BPIFB6: variants seen among roughly 807,000 people sequenced by gnomAD.
BPIFB6 encodes the protein BPI fold-containing family B member 6.
BPIFB6 carries 47 observed loss-of-function variants against 54.7 expected under a neutral mutation model. That is an observed-to-expected ratio of 0.86 (90% CI 0.68 to 1.10). The LOEUF (loss-of-function observed/expected upper bound fraction) is 1.10. Among genes scored for constraint, BPIFB6 ranks in the 50% least tolerant of loss-of-function variants. BPIFB6 has a pLI of 0.00. For synonymous variants in BPIFB6, 255 were observed against 225.9 expected, an observed-to-expected ratio of 1.13 and a Z score of -1.16; for missense variants, 603 against 564.1, an observed-to-expected ratio of 1.07 and a Z score of -0.70.
intron 5 of BPIFB6, 88 bp from the exon 6 acceptor site, chr20:33,035,524 T>G: frequency 7.2e-7 from 1 of 1,386,294 alleles, no homozygotes. Context: ...CCACCAGGGC[T>G]CTTGGGATGG....
intron 2 of BPIFB6, among the ~76,000 whole-genome samples, chr20:33,033,850 T>C (rs572841325): frequency 1.3e-5 from 2 of 152,280 alleles, no homozygotes; most frequent in South Asian, 4.1e-4. Flanking sequence ...AAAATGTGGA[T>C]AGTGCCACTT....
At chr20:33,035,822 C>T in intron 6 of BPIFB6, 150 bp downstream of exon 6, 2 of 820,044 alleles carry the variant, frequency 2.4e-6, no homozygotes, top group Non-Finnish European at 4.1e-6. Context: ...CCCCCACTGT[C>T]CCGATGGGAG....
intron 11 of BPIFB6, among the ~76,000 whole-genome samples, chr20:33,041,036 C>CTGGAG (rs1192720209): frequency 7.0e-6 from 1 of 142,394 alleles, no homozygotes; most frequent in East Asian, 2.0e-4. Flanking sequence ...GTTGCCCAGG[C>CTGGAG]TGGAGTGCAG....
chr20:33,035,721 T>C (rs766611358), intron 6 of BPIFB6, 49 bp downstream of exon 6: 34 of 1,571,018 alleles, frequency 2.2e-5, no homozygotes, highest in Non-Finnish European at 2.9e-5. Flanking sequence ...GATATCAGGA[T>C]AGATAGACTT....
chr20:33,034,022 T>C (rs1979215511), intron 2 of BPIFB6, among the ~76,000 whole-genome samples, 164 bp from the exon 3 acceptor site: 1 of 150,548 alleles, frequency 6.6e-6, no homozygotes, highest in African/African-American at 2.5e-5. Context: ...GTCCAGCCTT[T>C]TGTTTTGCAT....
At chr20:33,035,956 A>G (rs1010567586) in intron 6 of BPIFB6, among the ~76,000 whole-genome samples, 4 of 152,152 alleles carry the variant, frequency 2.6e-5, no homozygotes, top group Non-Finnish European at 5.9e-5. Flanking sequence ...CCTCGTGCCT[A>G]TGTAGTAATC....
At chr20:33,042,148 C>A (rs1386577605) in intron 12 of BPIFB6, 133 bp downstream of exon 12, 5 of 840,834 alleles carry the variant, frequency 5.9e-6, no homozygotes, top group East Asian at 2.7e-5. Flanking sequence ...GCGTGGCGCA[C>A]CTGACTTGCC....
rs966222524 is a variant in BPIFB6, at chr20:33,032,850, G to A, written c.98-134G>A. Reference sequence around the variant, plus strand: ...TGACTCCATCTTCCCCCATTAGGCTGGGGCGCTGTGGGACTCATCTCTGGG... The same window carrying A: ...TGACTCCATCTTCCCCCATTAGGCTAGGGCGCTGTGGGACTCATCTCTGGG... On this transcript the variant is annotated intron_variant, in intron 1 of 14. Coordinates refer to ENST00000349552, the MANE Select transcript of BPIFB6 (RefSeq NM_174897.2). 31 of 654,678 alleles carry A rather than the reference G, an allele frequency of 4.7e-5. 1 individual carries two copies. Among genetic ancestry groups the A allele is most frequent in the Non-Finnish European group, 8.0e-5 (29 of 360,722 alleles). The allele number at this position is 654,678 out of a possible 1,614,324, so 40.6% of individuals were successfully genotyped here.
chr20:33,042,166 C>A, intron 12 of BPIFB6, 151 bp downstream of exon 12: 1 of 726,486 alleles, frequency 1.4e-6, no homozygotes, highest in Non-Finnish European at 2.4e-6. Context: ...GCCGTGTGAG[C>A]TTAGGAAAGT....
At position 33,034,843 on chromosome 20, in the gene BPIFB6, G is replaced by C. The variant is rs560043419; in HGVS notation, c.383G>C (p.Gly128Ala). Residue 128 changes from glycine to alanine, a missense_variant, in exon 4 of 15, where the codon GGC becomes GCC. Coordinates refer to ENST00000349552, the MANE Select transcript of BPIFB6 (RefSeq NM_174897.2). Reference protein sequence around the residue: ...TNRLLRDEETGLPVFKSEGCE... With the variant: ...TNRLLRDEETALPVFKSEGCE... ...CGGCTTCTGCGGGATGAGGAGACAGGCCTCCCCGTGTTCAAGAGTGAGGGC... is the reference window on the plus strand; with the variant it reads ...CGGCTTCTGCGGGATGAGGAGACAGCCCTCCCCGTGTTCAAGAGTGAGGGC... The C allele has an allele frequency of 2.5e-6, 4 of 1,613,870 alleles. No individual in the cohort carries two copies. The East Asian group carries it at 8.9e-5, about 36-fold the overall frequency.
chr20:33,039,298 G>A (rs1250455814), intron 9 of BPIFB6, 49 bp from the exon 10 acceptor site: 27 of 1,532,538 alleles, frequency 1.8e-5, no homozygotes, highest in Non-Finnish European at 2.1e-5. Context: ...TTCAACTGAA[G>A]CCACCAGTCT....
intron 8 of BPIFB6, among the ~76,000 whole-genome samples, chr20:33,038,280 T>C (rs1452327804): frequency 1.3e-5 from 2 of 152,126 alleles, no homozygotes; most frequent in Non-Finnish European, 2.9e-5. Flanking sequence ...CACCCACATG[T>C]CCGTTCATTC....
At chr20:33,037,338 C>T (rs540457325) in intron 7 of BPIFB6, among the ~76,000 whole-genome samples, 10 of 152,270 alleles carry the variant, frequency 6.6e-5, no homozygotes, top group African/African-American at 2.4e-4. Context: ...GGAGAAAGTG[C>T]CCGTGGTTTA....
chr20:33,033,611 G>A (rs916296155), intron 2 of BPIFB6: 2 of 456,676 alleles, frequency 4.4e-6, no homozygotes, highest in Non-Finnish European at 8.8e-6. Context: ...TGGGCAAGTG[G>A]GGGTATGTGT....
rs1979535081 is a variant in BPIFB6 at position 33,040,457 on chromosome 20, A to G, written c.1142+139A>G. The G allele has an allele frequency of 6.6e-6, 5 of 752,602 alleles. No homozygotes were observed. The Admixed American group carries it at 8.2e-5, about 12-fold the overall frequency. The allele number at this position is 752,602 out of a possible 1,614,324, so 46.6% of individuals were successfully genotyped here. On this transcript the variant is annotated intron_variant, in intron 11 of 14. Coordinates refer to ENST00000349552, the MANE Select transcript of BPIFB6 (RefSeq NM_174897.2). ...CTGCTCTAGCTACTTTTCCTGCTCT[A>G]GAACCCTCAATGGCTCCTCATTGTC...
intron 6 of BPIFB6, 79 bp from the exon 7 acceptor site, chr20:33,036,366 T>C: frequency 8.1e-7 from 1 of 1,228,754 alleles, no homozygotes; most frequent in Non-Finnish European, 1.2e-6. Context: ...CAGGTGCAGG[T>C]AGCAGCTGGC....
At chr20:33,042,918 G>A (rs439255) in intron 13 of BPIFB6, 40 bp downstream of exon 13, 201,536 of 1,589,386 alleles carry the variant, frequency 0.13, 13,833 homozygotes, top group Non-Finnish European at 0.14. Flanking sequence ...GTGCCAAGAA[G>A]CACTTTAAGC....
intron 6 of BPIFB6, among the ~76,000 whole-genome samples, chr20:33,035,945 GC>G (rs1979322867): frequency 1.3e-5 from 2 of 152,110 alleles, no homozygotes; most frequent in African/African-American, 4.8e-5. Context: ...TCGTCCACAA[GC>G]CTCGTGCCTA....
chr20:33,035,255 G>C, intron 5 of BPIFB6, 111 bp downstream of exon 5: 1 of 1,139,156 alleles, frequency 8.8e-7, no homozygotes, highest in South Asian at 1.3e-5. Flanking sequence ...TAGTGGCTGG[G>C]AAGGGTTCTG....
Sources: gnomAD v4.1 joint callset for allele counts (sites outside exome capture counted in the v4.1 genomes callset) on GRCh38, gnomAD v4.1.1 for gene constraint, MANE v1.5 for transcripts, NCBI Gene and HGNC (gene_info 2026-07-23, HGNC 2026-07-21) for gene names.